Variants in SPATA22 observed in about 807,000 individuals in gnomAD.
SPATA22 encodes spermatogenesis-associated protein 22.
Under a neutral mutation model 47.8 loss-of-function variants are expected in SPATA22, and 29 were observed. The ratio of observed to expected loss-of-function variants is 0.61; its 90% confidence interval spans 0.45 to 0.83. The LOEUF is 0.83. SPATA22 is among the 40% of genes least tolerant of loss of function. The pLI, the probability that SPATA22 is intolerant of heterozygous loss-of-function variation, is 0.00. For synonymous variants in SPATA22, 133 were observed against 140.9 expected (o/e 0.94, Z 0.40); for missense variants, 410 against 421.7 (o/e 0.97, Z 0.24).
At chr17:3,495,681 G>A (rs2073897162) in intron 1 of SPATA22, among the ~76,000 whole-genome samples, 1 of 152,174 alleles carries the variant, frequency 6.6e-6, no homozygotes, top group African/African-American at 2.4e-5. Context: ...CAATTCTCCT[G>A]CCTCAGCCTC....
chr17:3,478,079 G>T (rs942343517), intron 1 of SPATA22, among the ~76,000 whole-genome samples: 6 of 151,926 alleles, frequency 3.9e-5, no homozygotes, highest in African/African-American at 1.2e-4. Context: ...CAGCTATTCG[G>T]GAGACTGAGG....
Position 3,467,081 on chromosome 17 carries a change from G to A in SPATA22, c.172+345C>T, listed in dbSNP as rs1271701981. On this transcript the variant is annotated intron_variant, in intron 3 of 8. Transcript: ENST00000572969. ...CATGCACACTTATCCCCACTCCTGAGGCAATTCAAGTGTTTCCATTCTTTA... is the reference window on the plus strand; with the variant it reads ...CATGCACACTTATCCCCACTCCTGAAGCAATTCAAGTGTTTCCATTCTTTA... 5.3e-5 allele frequency among the ~76,000 whole-genome samples: 8 copies of A among 152,118 alleles called. 1 individual carries two copies. Among genetic ancestry groups the A allele is most frequent in the Non-Finnish European group, 1.0e-4 (7 of 68,030 alleles).
At chr17:3,483,707 G>C in intron 1 of SPATA22, 1 of 1,022,252 alleles carries the variant, frequency 9.8e-7, no homozygotes, top group Middle Eastern at 2.2e-4. Context: ...CTGTCACCCA[G>C]GCTGGAGTCC....
At chr17:3,479,175 C>T (rs1298558480) in intron 1 of SPATA22, among the ~76,000 whole-genome samples, 1 of 152,182 alleles carries the variant, frequency 6.6e-6, no homozygotes, top group East Asian at 1.9e-4. Flanking sequence ...CCTTCAGAAT[C>T]TCACTCTTCC....
At chr17:3,492,659 A>G (rs1263398378) in intron 1 of SPATA22, among the ~76,000 whole-genome samples, 2 of 152,204 alleles carry the variant, frequency 1.3e-5, no homozygotes, top group South Asian at 2.1e-4. Flanking sequence ...TACGTGTACC[A>G]TTATGTACAA....
chr17:3,489,472 TC>T, intron 1 of SPATA22: 3 of 726,828 alleles, frequency 4.1e-6, no homozygotes, highest in Non-Finnish European at 7.2e-6. Context: ...CTTCAGCTAT[TC>T]CCCAATGGCC....
intron 5 of SPATA22, among the ~76,000 whole-genome samples, chr17:3,458,721 A>T (rs1415089094): frequency 6.6e-6 from 1 of 151,886 alleles, no homozygotes; most frequent in Non-Finnish European, 1.5e-5. Flanking sequence ...CATGCCTATA[A>T]TCCCAGTTAC....
chr17:3,481,577 C>T, intron 1 of SPATA22: 3 of 1,596,458 alleles, frequency 1.9e-6, no homozygotes, highest in Non-Finnish European at 2.6e-6. Context: ...AGATGTTGTT[C>T]ATCTTTTTCT....
At chr17:3,480,376 G>A (rs897278176) in intron 1 of SPATA22, among the ~76,000 whole-genome samples, 2 of 152,224 alleles carry the variant, frequency 1.3e-5, no homozygotes, top group Non-Finnish European at 2.9e-5. Flanking sequence ...ATAATTTGGT[G>A]GGTAGGGGGC....
rs140913932 is a variant in SPATA22, at chr17:3,485,517, A to C, written c.-73-16119T>G. Among the ~76,000 whole-genome samples, 10 of 152,332 alleles carry C rather than the reference A, an allele frequency of 6.6e-5. No individual in the cohort carries two copies. In the East Asian group the frequency reaches 1.5e-3, roughly 23 times the overall value. Reference sequence around the variant, plus strand: ...AACAAAAGTGAAACTCCGTCTCAAAAAAACAAACAAACAAAAATACTAGCC... The same window carrying C: ...AACAAAAGTGAAACTCCGTCTCAAACAAACAAACAAACAAAAATACTAGCC... On this transcript the variant is annotated intron_variant, in intron 1 of 8. Coordinates refer to the SPATA22 transcript ENST00000541913. This position sits in a 1 kb window ranked among gnomAD's most constrained non-coding sequence, Gnocchi z 4.4.
At chr17:3,450,531 T>C (rs562238472) in intron 5 of SPATA22, among the ~76,000 whole-genome samples, 4 of 152,320 alleles carry the variant, frequency 2.6e-5, no homozygotes, top group African/African-American at 9.6e-5. Context: ...TGTAATTTTT[T>C]TGGACTCAGG....
chr17:3,509,624 A>G (rs933153001), intron 1 of SPATA22, among the ~76,000 whole-genome samples: 14 of 152,208 alleles, frequency 9.2e-5, no homozygotes, highest in Admixed American at 5.2e-4. Context: ...TGCAATAAAC[A>G]TATATGTGCA....
intron 3 of SPATA22, among the ~76,000 whole-genome samples, chr17:3,464,213 C>T (rs1430275516): frequency 2.0e-5 from 3 of 152,022 alleles, no homozygotes; most frequent in Admixed American, 6.5e-5. Flanking sequence ...AGCTCCTAAC[C>T]GCGAGTGATC....
intron 5 of SPATA22, among the ~76,000 whole-genome samples, chr17:3,455,329 G>A (rs1281302907): frequency 1.3e-5 from 2 of 151,968 alleles, no homozygotes; most frequent in African/African-American, 4.8e-5. Flanking sequence ...TTTGTCTTTT[G>A]TTGCCATTGC....
chr17:3,508,790 A>G (rs1032925998), intron 1 of SPATA22, among the ~76,000 whole-genome samples: 23 of 147,116 alleles, frequency 1.6e-4, no homozygotes, highest in Admixed American at 4.8e-4. Context: ...TAGGAGAAAT[A>G]CCTAATGCTA....
chr17:3,459,610 G>A (rs1277493518), intron 5 of SPATA22, among the ~76,000 whole-genome samples: 7 of 152,174 alleles, frequency 4.6e-5, no homozygotes, highest in Admixed American at 2.0e-4. Flanking sequence ...GTTTCCCCAT[G>A]TTGGCCAGGC....
At chr17:3,511,328 A>G (rs538981994) in intron 1 of SPATA22, 46 of 152,308 alleles carry the variant, frequency 3.0e-4, no homozygotes, top group African/African-American at 1.0e-3. Context: ...ACTCAAAATG[A>G]TGGAATAACT....
At chr17:3,446,379 G>T in intron 7 of SPATA22, 93 bp downstream of exon 7, 1 of 1,289,276 alleles carries the variant, frequency 7.8e-7, no homozygotes, top group Non-Finnish European at 1.1e-6. Flanking sequence ...GCAAAAAGCA[G>T]ACTGTTTTAT....
chr17:3,462,418 G>A, intron 5 of SPATA22, 65 bp downstream of exon 5: 1 of 1,111,290 alleles, frequency 9.0e-7, no homozygotes, highest in Non-Finnish European at 1.3e-6. Context: ...GAGGAGGGAA[G>A]AATGAAGAGG....
Sources: allele counts gnomAD v4.1 joint callset (sites outside exome capture counted in the v4.1 genomes callset), GRCh38; gene constraint gnomAD v4.1.1; non-coding constraint Gnocchi (gnomAD v3.1); transcripts MANE v1.5; gene names NCBI Gene and HGNC (gene_info 2026-07-23, HGNC 2026-07-21).